HOXC6: variants seen among roughly 807,000 people sequenced by gnomAD.
HOXC6 encodes homeobox protein Hox-C6.
Under a neutral mutation model 24.0 loss-of-function variants are expected in HOXC6, and 10 were observed. The ratio of observed to expected loss-of-function variants is 0.42; its 90% CI spans 0.26 to 0.71. The LOEUF is 0.71. HOXC6 is among the 30% of genes least tolerant of loss of function. The pLI is 0.28. For missense variants in HOXC6, 258 were observed against 303.4 expected (o/e 0.85, Z 1.11); for synonymous variants, 123 against 128.1 (o/e 0.96, Z 0.27).
At position 54,029,654 on chromosome 12, in the gene HOXC6, G is replaced by T; in HGVS notation, c.401-1G>T. 6.2e-7 allele frequency: 1 copy of T among 1,610,630 alleles called. No homozygotes were observed. The highest frequency in any genetic ancestry group is 8.5e-7 in the Non-Finnish European group (1 of 1,177,510). On this transcript the variant is annotated splice_acceptor_variant, in intron 1 of 1. Transcript: ENST00000243108. LOFTEE classifies it high-confidence loss of function. ...AGTGTGTTTTGTGCCCGGATCTTTA[G>T]GGGTCGGCTACGGAGCGGACCGGAG...
upstream of HOXC6, among the ~76,000 whole-genome samples, chr12:54,024,801 C>T (rs1940616780): frequency 6.6e-6 from 1 of 152,186 alleles, no homozygotes; most frequent in African/African-American, 2.4e-5. Flanking sequence ...CACCCTTATC[C>T]TTGGGGACTC....
intron 1 of HOXC6, among the ~76,000 whole-genome samples, chr12:54,029,409 C>CCT (rs1940887176): frequency 1.1e-5 from 1 of 87,044 alleles, no homozygotes; most frequent in Non-Finnish European, 2.2e-5. Flanking sequence ...CCCCGCCCCC[C>CCT]CGCCCCCCCC....
At chr12:54,022,455 A>G (rs1419248395) in intron 1 of HOXC6, 3 of 152,190 alleles carry the variant, frequency 2.0e-5, no homozygotes, top group Non-Finnish European at 4.4e-5. Context: ...TAAATTTAAA[A>G]GAGTATCATT....
Position 54,028,620 on chromosome 12 carries a change from A to G in HOXC6, c.99A>G (p.Pro33=). 1 of 1,614,066 alleles carries G rather than the reference A, an allele frequency of 6.2e-7. No individual in the cohort carries two copies. The highest frequency in any genetic ancestry group is 1.1e-5 in the South Asian group (1 of 91,070). The change falls in exon 1 of 2, where the codon CCA becomes CCG. Residue 33 remains proline (P), a synonymous_variant. Transcript: ENST00000243108. ...NVALNSTAYD[P]VRHFSTYGAA... ...CCCTCAATTCCACCGCCTATGATCC[A>G]GTGAGGCATTTCTCGACCTATGGAG... is the stretch of plus-strand genomic sequence containing the variant.
upstream of HOXC6, among the ~76,000 whole-genome samples, chr12:54,024,502 G>A (rs1940601649): frequency 6.6e-6 from 1 of 152,136 alleles, no homozygotes; most frequent in Admixed American, 6.5e-5. Flanking sequence ...CAACTAAGGA[G>A]GACCTCTGGA....
chr12:54,018,892 G>A (rs917200651), intron 1 of HOXC6, among the ~76,000 whole-genome samples: 4 of 152,154 alleles, frequency 2.6e-5, no homozygotes, highest in Non-Finnish European at 4.4e-5. Context: ...AAGTCCCAGT[G>A]GGGGAGGGGA....
chr12:54,024,384 C>T (rs1010643964), upstream of HOXC6, among the ~76,000 whole-genome samples: 7 of 151,132 alleles, frequency 4.6e-5, no homozygotes, highest in Admixed American at 2.0e-4. Flanking sequence ...GTAGTTGCAG[C>T]GCGGCAGTCA....
At position 54,017,929 on chromosome 12, in the gene HOXC6, G is replaced by C. The variant is rs556987663; in HGVS notation, c.-193+515G>C. The stretch of plus-strand genomic sequence containing the variant: ...CAGCCCCCTCCCTCCCAGAGAGCGC[G>C]ACTGCTAGAGCTCACACATGCGCAG... On this transcript the variant is annotated intron_variant, in intron 1 of 2. Transcript: ENST00000394331. 3.7e-3 allele frequency among the ~76,000 whole-genome samples: 567 copies of C among 152,190 alleles called. 2 individuals are homozygous for C. Among genetic ancestry groups the C allele is most frequent in the African/African-American group, 0.013 (533 of 41,534 alleles).
intron 1 of HOXC6, chr12:54,020,993 G>T (rs1165338270): frequency 1.3e-5 from 2 of 152,398 alleles, no homozygotes; most frequent in East Asian, 3.9e-4. Flanking sequence ...GGCATGGTGG[G>T]GCTGCAAGCA....
intron 1 of HOXC6, among the ~76,000 whole-genome samples, chr12:54,017,925 G>A (rs1216047931): frequency 6.6e-6 from 1 of 152,114 alleles, no homozygotes; most frequent in Non-Finnish European, 1.5e-5. Context: ...CTCCCAGAGA[G>A]CGCGACTGCT....
upstream of HOXC6, among the ~76,000 whole-genome samples, chr12:54,026,785 C>A (rs1047407822): frequency 2.0e-5 from 3 of 152,182 alleles, no homozygotes; most frequent in Non-Finnish European, 2.9e-5. Context: ...TCCAGGGAAA[C>A]CTTAACGTTA....
chr12:54,025,953 C>T (rs1043750315), upstream of HOXC6, among the ~76,000 whole-genome samples: 1 of 151,956 alleles, frequency 6.6e-6, no homozygotes, highest in Non-Finnish European at 1.5e-5. Context: ...CCCACCCAGA[C>T]ATAAAAGAGA....
upstream of HOXC6, chr12:54,028,392 G>A (rs1404366321): frequency 4.9e-6 from 5 of 1,016,588 alleles, no homozygotes; most frequent in East Asian, 5.1e-5. Flanking sequence ...GCTGGGAGGG[G>A]GTCAGCTGAC....
At chr12:54,019,442 GC>G (rs1405137405) in intron 1 of HOXC6, among the ~76,000 whole-genome samples, 1 of 152,146 alleles carries the variant, frequency 6.6e-6, no homozygotes, top group African/African-American at 2.4e-5. Context: ...CACAAGAGGG[GC>G]CCGAGAGGCC....
rs991085658 is a variant in HOXC6, at chr12:54,030,159, G to A, written c.*197G>A. The A allele has an allele frequency of 9.2e-6, 5 of 540,892 alleles. No homozygotes were observed. In the Admixed American group the frequency reaches 9.9e-5, roughly 11 times the overall value. The allele number at this position is 540,892 out of a possible 1,614,324, so 33.5% of individuals were successfully genotyped here. A position where few individuals can be genotyped will look rare whatever the true frequency, so the allele number is the denominator to read the frequency against. On this transcript the variant is annotated 3_prime_UTR_variant, in exon 2 of 2. Transcript: ENST00000243108. Reference sequence around the variant, plus strand: ...ACCGCACAACTCTCTTTCACCACGCGCCTCCTCCTCCTCGCTCCCTTGCTA... The same window carrying A: ...ACCGCACAACTCTCTTTCACCACGCACCTCCTCCTCCTCGCTCCCTTGCTA...
rs200139629 is a variant in HOXC6 at position 54,028,571 on chromosome 12, G to A, written c.50G>A (p.Gly17Asp). ...TCCTTATCCTGCCACCTCGCCGGGG[G>A]CCAGGACGTCCTCCCCAACGTCGCC... Reference protein sequence around the residue: ...NPSLSCHLAGGQDVLPNVALN... With the variant: ...NPSLSCHLAGDQDVLPNVALN... The change falls in exon 1 of 2, where the codon GGC becomes GAC. Residue 17 changes from glycine (G) to aspartate (D), a missense_variant. By Grantham distance (94) the Gly-to-Asp change is moderately conservative. Transcript: ENST00000243108. 33 of 1,614,058 alleles carry A rather than the reference G, an allele frequency of 2.0e-5. No individual in the cohort carries two copies. The highest frequency in any genetic ancestry group is 2.7e-5 in the Non-Finnish European group (32 of 1,180,002).
upstream of HOXC6, among the ~76,000 whole-genome samples, chr12:54,024,683 T>C (rs942906950): frequency 6.7e-6 from 1 of 149,904 alleles, no homozygotes; most frequent in African/African-American, 2.4e-5. Context: ...CTTTCCCCAG[T>C]TCAGAGCTCA....
At chr12:54,028,263 ATATATTTT>A (rs984485415), upstream of HOXC6, 85 of 73,376 alleles carry the variant, frequency 1.2e-3, 1 homozygote, top group East Asian at 0.029. Context: ...ATATATATAT[ATATATTTT>A]TTAAAAGAAA....
upstream of HOXC6, among the ~76,000 whole-genome samples, chr12:54,027,731 G>A (rs1189961446): frequency 6.6e-6 from 1 of 152,178 alleles, no homozygotes; most frequent in African/African-American, 2.4e-5. Context: ...GAGCCAGGAG[G>A]CAAAGGAGAG....
Sources: gnomAD v4.1 joint callset for allele counts (sites outside exome capture counted in the v4.1 genomes callset) on GRCh38, gnomAD v4.1.1 for gene constraint, MANE v1.5 for transcripts, NCBI Gene and HGNC (gene_info 2026-07-23, HGNC 2026-07-21) for gene names.